Variants in SNX1 observed in about 807,000 individuals in gnomAD.
SNX1 encodes sorting nexin 1, also known as sorting nexin-1.
Under a neutral mutation model 71.8 loss-of-function variants are expected in SNX1, and 36 were observed. The ratio of observed to expected loss-of-function variants is 0.50; its 90% CI spans 0.38 to 0.66. The LOEUF (loss-of-function observed/expected upper bound fraction) is 0.66, where lower values mean the gene tolerates loss of function less well. Ranked by LOEUF, SNX1 falls within the 30% of genes least tolerant of loss-of-function variation. The pLI, the probability that SNX1 is intolerant of heterozygous loss-of-function variation, is 0.00. For synonymous variants in SNX1, 254 were observed against 240.7 expected (o/e 1.06, Z -0.51); for missense variants, 612 against 646.7 (o/e 0.95, Z 0.58).
At chr15:64,106,540 T>G (rs2081023891) in intron 1 of SNX1, among the ~76,000 whole-genome samples, 1 of 152,052 alleles carries the variant, frequency 6.6e-6, no homozygotes, top group Non-Finnish European at 1.5e-5. Context: ...CTGCAACCAG[T>G]GAGTATGTTA....
chr15:64,126,873 C>T (rs1228628605), intron 6 of SNX1, among the ~76,000 whole-genome samples: 5 of 152,114 alleles, frequency 3.3e-5, no homozygotes, highest in South Asian at 2.1e-4. Flanking sequence ...CCACTGCGCC[C>T]GGCCAGGAGC....
chr15:64,109,389 C>G (rs2081055525), intron 1 of SNX1, among the ~76,000 whole-genome samples: 1 of 152,086 alleles, frequency 6.6e-6, no homozygotes. Flanking sequence ...GTAATGCCAA[C>G]TTAGCATAGA....
intron 4 of SNX1, among the ~76,000 whole-genome samples, chr15:64,122,351 G>A (rs1166219859): frequency 3.3e-5 from 5 of 151,968 alleles, no homozygotes; most frequent in Non-Finnish European, 4.4e-5. Context: ...GAGAACTAAA[G>A]TTGGTAATCA....
chr15:64,123,542 C>G lies in SNX1; in HGVS notation c.506C>G (p.Thr169Arg). The G allele has an allele frequency of 6.2e-7, 1 of 1,613,528 alleles. No individual in the cohort carries two copies. The highest frequency in any genetic ancestry group is 8.5e-7 in the Non-Finnish European group (1 of 1,179,486). ...MNAYVAYKVT[T>R]QTSLPLFRSK... ...GCATATGTAGCCTACAAAGTTACAA[C>G]ACAGGTGAGTCCAGGTGACCCTGCT... The change falls in exon 5 of 15, where the codon ACA becomes AGA. Residue 169 changes from threonine to arginine, a missense_variant. Physicochemically the swap from Thr to Arg is moderately conservative, Grantham distance 71 (BLOSUM62 -1). This residue lies in a region of SNX1 where 316 missense variants were observed against 284.9 expected (regional missense o/e 1.11). Coordinates refer to ENST00000559844, the MANE Select transcript of SNX1 (RefSeq NM_003099.5).
intron 9 of SNX1, 62 bp downstream of exon 9, chr15:64,130,091 A>C: frequency 4.7e-6 from 7 of 1,480,746 alleles, no homozygotes; most frequent in Non-Finnish European, 5.6e-6. Flanking sequence ...AGAACCCCTA[A>C]GGAGTCCTGA....
chr15:64,138,325 C>CTTTTTT lies in SNX1; in HGVS notation c.*718_*723dup. The CTTTTTT allele has an allele frequency of 1.8e-6, 1 of 550,452 alleles. No individual in the cohort carries two copies. The highest frequency in any genetic ancestry group is 3.0e-5 in the South Asian group (1 of 33,406). 34.1% of individuals were successfully genotyped at this position (550,452 alleles called of 1,614,324 possible). A position where few individuals can be genotyped will look rare whatever the true frequency, so the allele number is the denominator to read the frequency against. On this transcript the variant is annotated 3_prime_UTR_variant, in exon 15 of 15. Coordinates refer to ENST00000559844, the MANE Select transcript of SNX1 (RefSeq NM_003099.5). ...AAGGAGGCAGAGACTTTCTCTCTCT[C>CTTTTTT]TTTTTTTTTTTTTTTTGGTGTCCCT...
At chr15:64,103,779 T>C (rs1378261691) in intron 1 of SNX1, among the ~76,000 whole-genome samples, 1 of 152,252 alleles carries the variant, frequency 6.6e-6, no homozygotes, top group Non-Finnish European at 1.5e-5. Context: ...CCCAAAGATA[T>C]AACACATCCT....
chr15:64,105,761 A>T (rs891973176), intron 1 of SNX1, among the ~76,000 whole-genome samples: 1 of 152,216 alleles, frequency 6.6e-6, no homozygotes, highest in Non-Finnish European at 1.5e-5. Flanking sequence ...CTGGGGTCTC[A>T]TGAGGTCTCT....
At chr15:64,124,341 C>G (rs2081227992) in intron 5 of SNX1, among the ~76,000 whole-genome samples, 2 of 151,100 alleles carry the variant, frequency 1.3e-5, no homozygotes, top group Admixed American at 1.3e-4. Flanking sequence ...CCTGTCTCTA[C>G]TAAAAATACA....
Position 64,136,426 on chromosome 15 carries a change from C to G in SNX1, c.1446+16C>G. Reference sequence around the variant, plus strand: ...ACGGTTTGAGGTGAGATAGAAAATCCTACTTCTCACTTAGCATGCAGTGCT... The same window carrying G: ...ACGGTTTGAGGTGAGATAGAAAATCGTACTTCTCACTTAGCATGCAGTGCT... On this transcript the variant is annotated intron_variant, in intron 13 of 14. Coordinates refer to ENST00000559844, the MANE Select transcript of SNX1 (RefSeq NM_003099.5). 1.3e-6 allele frequency: 2 copies of G among 1,599,384 alleles called. No individual in the cohort carries two copies. Among genetic ancestry groups the G allele is most frequent in the South Asian group, 1.1e-5 (1 of 90,740 alleles).
At chr15:64,124,370 G>A (rs2081228218) in intron 5 of SNX1, among the ~76,000 whole-genome samples, 2 of 151,404 alleles carry the variant, frequency 1.3e-5, no homozygotes, top group South Asian at 4.2e-4. Context: ...AGCTGGGCAT[G>A]GTGGCAGGCA....
Position 64,134,421 on chromosome 15 carries a change from C to T in SNX1, c.1222-243C>T. On this transcript the variant is annotated intron_variant, in intron 11 of 14. Coordinates refer to ENST00000559844, the MANE Select transcript of SNX1 (RefSeq NM_003099.5). The surrounding 1 kb of genome is among the most constrained non-coding windows in gnomAD (Gnocchi z 4.1). ...CATGAGGCCACCTACTGGATCCCTG[C>T]CATCCAGCCCTGGGAGTAGCATGAA... 2.0e-6 allele frequency: 1 copy of T among 500,980 alleles called. No homozygotes were observed. 31.0% of individuals were successfully genotyped at this position (500,980 alleles called of 1,614,324 possible). A position where few individuals can be genotyped will look rare whatever the true frequency, so the allele number is the denominator to read the frequency against.
At chr15:64,109,451 T>G (rs1386123396) in intron 1 of SNX1, among the ~76,000 whole-genome samples, 3 of 152,018 alleles carry the variant, frequency 2.0e-5, no homozygotes, top group Admixed American at 2.0e-4. Flanking sequence ...GACCAGCAAA[T>G]GAATGGAAAG....
At chr15:64,108,201 A>AG (rs1396451923) in intron 1 of SNX1, among the ~76,000 whole-genome samples, 1 of 152,062 alleles carries the variant, frequency 6.6e-6, no homozygotes, top group Non-Finnish European at 1.5e-5. Flanking sequence ...TCAAAAAAAA[A>AG]AAAAAGGTTA....
Position 64,138,359 on chromosome 15 carries a change from G to A in SNX1, c.*741G>A. The A allele has an allele frequency of 1.7e-6, 1 of 591,286 alleles. No homozygotes were observed. Among genetic ancestry groups the A allele is most frequent in the Non-Finnish European group, 2.7e-6 (1 of 364,138 alleles). 36.6% of individuals were successfully genotyped at this position (591,286 alleles called of 1,614,324 possible). A position where few individuals can be genotyped will look rare whatever the true frequency, so the allele number is the denominator to read the frequency against. On this transcript the variant is annotated 3_prime_UTR_variant, in exon 15 of 15. Coordinates refer to ENST00000559844, the MANE Select transcript of SNX1 (RefSeq NM_003099.5). ...TTTTTTTTGGTGTCCCTATCATTAA[G>A]CAAGAGCCTTTCTCTTTTATTCTTC... is the stretch of plus-strand genomic sequence containing the variant.
At chr15:64,118,695 G>A in intron 3 of SNX1, 93 bp from the exon 4 acceptor site, 1 of 909,826 alleles carries the variant, frequency 1.1e-6, no homozygotes. Context: ...GATACATCTT[G>A]ATTTTATTAG....
intron 3 of SNX1, 138 bp downstream of exon 3, chr15:64,118,382 A>G: frequency 1.1e-6 from 1 of 941,394 alleles, no homozygotes; most frequent in Non-Finnish European, 1.6e-6. Context: ...ATGGACAGCC[A>G]GAATCCAATA....
At position 64,102,876 on chromosome 15, in the gene SNX1, C is replaced by G. The variant is rs918678026; in HGVS notation, c.159+6704C>G. Among the ~76,000 whole-genome samples the G allele has an allele frequency of 2.0e-5, 3 of 148,754 alleles. No individual in the cohort carries two copies. In the East Asian group the frequency reaches 6.1e-4, roughly 30 times the overall value. ...TGACCTCCTGTGCTCTGGTGATCCT[C>G]CCATCATAGCCTCCCAAGTAGCTGG... On this transcript the variant is annotated intron_variant, in intron 1 of 14. Transcript: ENST00000559844.
rs1374107851 is a variant in SNX1 at position 64,134,641 on chromosome 15, C to T, written c.1222-23C>T. ...GAGCTCTTGAAGAGCTGGTTGTGCT[C>T]CTCCTCAACCCCACCCCCACAGGCT... is the stretch of plus-strand genomic sequence containing the variant. On this transcript the variant is annotated intron_variant, in intron 11 of 14. Coordinates refer to ENST00000559844, the MANE Select transcript of SNX1 (RefSeq NM_003099.5). The surrounding 1 kb of genome is among the most constrained non-coding windows in gnomAD (Gnocchi z 4.1). The T allele has an allele frequency of 6.3e-7, 1 of 1,598,638 alleles. No homozygotes were observed. The highest frequency in any genetic ancestry group is 8.5e-7 in the Non-Finnish European group (1 of 1,171,952).
Sources: gnomAD v4.1 joint callset for allele counts (sites outside exome capture counted in the v4.1 genomes callset) on GRCh38, gnomAD v4.1.1 for gene constraint, gnomAD v4.1.1 regional missense constraint, Gnocchi (gnomAD v3.1) non-coding constraint, MANE v1.5 for transcripts, NCBI Gene and HGNC (gene_info 2026-07-23, HGNC 2026-07-21) for gene names.